The following PCYT1B variants were observed in gnomAD, a reference collection of about 807,000 sequenced individuals.
PCYT1B encodes the protein choline-phosphate cytidylyltransferase B.
In PCYT1B, 10 loss-of-function variants were observed where a neutral mutation model predicts 26.4. The ratio of observed to expected loss-of-function variants is 0.38; its 90% CI spans 0.23 to 0.64. The LOEUF (loss-of-function observed/expected upper bound fraction) is 0.64. PCYT1B is among the 30% of genes least tolerant of loss of function. The pLI is 0.56. For missense variants in PCYT1B, 161 were observed against 292.7 expected, an observed-to-expected ratio of 0.55 and a Z score of 3.28; for synonymous variants, 131 against 108.4, an observed-to-expected ratio of 1.21 and a Z score of -1.29.
intron 3 of PCYT1B, among the ~76,000 whole-genome samples, chrX:24,603,283 T>C (rs1170114701): frequency 1.8e-5 from 2 of 112,248 alleles, no homozygotes; most frequent in Non-Finnish European, 3.8e-5. Flanking sequence ...CCATCTTTAA[T>C]TGTCATAATG....
chrX:24,589,489 T>C (rs973437178), intron 4 of PCYT1B, among the ~76,000 whole-genome samples: 7 of 112,002 alleles, frequency 6.2e-5, no homozygotes, highest in Non-Finnish European at 9.4e-5. Flanking sequence ...TAAAGTTCTT[T>C]CTTTAAAGGC....
At chrX:24,658,033 C>T (rs1490149009) in intron 1 of PCYT1B, 3 of 111,333 alleles carry the variant, frequency 2.7e-5, no homozygotes, top group Non-Finnish European at 5.7e-5. Flanking sequence ...CCTTGCTGTC[C>T]TACCAGGCAG....
At chrX:24,649,320 A>G (rs1384740433), upstream of PCYT1B, among the ~76,000 whole-genome samples, 2 of 111,874 alleles carry the variant, frequency 1.8e-5, no homozygotes, top group Non-Finnish European at 3.8e-5. Flanking sequence ...CTCAAAGTGT[A>G]CTTCTCCAAG....
chrX:24,585,684 A>C (rs931159697), intron 5 of PCYT1B, among the ~76,000 whole-genome samples: 3 of 111,592 alleles, frequency 2.7e-5, no homozygotes, highest in African/African-American at 9.8e-5. Flanking sequence ...AGTGCTCCAG[A>C]AACTTAGATC....
intron 3 of PCYT1B, among the ~76,000 whole-genome samples, chrX:24,603,515 G>C (rs1181163792): frequency 9.0e-6 from 1 of 111,611 alleles, no homozygotes; most frequent in Non-Finnish European, 1.9e-5. Context: ...GCCCGAGTTT[G>C]AGACCAGTCT....
At chrX:24,670,048 A>AAAAGAAAGAGAGAAAG (rs1927207322) in intron 1 of PCYT1B, among the ~76,000 whole-genome samples, 1 of 58,048 alleles carries the variant, frequency 1.7e-5, no homozygotes, top group African/African-American at 6.1e-5. Context: ...GTCTCAAAAA[A>AAAAGAAAGAGAGAAAG]AAAGAAAGAA....
intron 1 of PCYT1B, among the ~76,000 whole-genome samples, chrX:24,623,658 C>G (rs1925777582): frequency 9.0e-6 from 1 of 111,187 alleles, no homozygotes. Flanking sequence ...TAGAATCATA[C>G]CAAAGCCACA....
chrX:24,585,124 A>G (rs1001212495), intron 5 of PCYT1B, among the ~76,000 whole-genome samples: 5 of 110,666 alleles, frequency 4.5e-5, no homozygotes, highest in Non-Finnish European at 7.6e-5. Flanking sequence ...GGAGGAGTGC[A>G]GAGAGGGATT....
chrX:24,587,698 T>C (rs1924416412), intron 4 of PCYT1B, among the ~76,000 whole-genome samples: 1 of 111,975 alleles, frequency 8.9e-6, no homozygotes, highest in Admixed American at 9.4e-5. Flanking sequence ...TCCTGTCCCA[T>C]TGATGGCAAT....
chrX:24,584,448 G>T (rs1036853661), intron 5 of PCYT1B, among the ~76,000 whole-genome samples: 1 of 112,399 alleles, frequency 8.9e-6, no homozygotes. Context: ...AGACTTCCAA[G>T]TCCGAAGTGT....
At chrX:24,618,247 T>A (rs940533958) in intron 2 of PCYT1B, among the ~76,000 whole-genome samples, 3 of 112,475 alleles carry the variant, frequency 2.7e-5, no homozygotes, top group Non-Finnish European at 5.6e-5. Flanking sequence ...TTTTAAAAAA[T>A]GCATACTTTT....
chrX:24,625,662 TTATA>T (rs1488602897), intron 1 of PCYT1B, among the ~76,000 whole-genome samples: 3 of 105,490 alleles, frequency 2.8e-5, no homozygotes, highest in Non-Finnish European at 5.8e-5. Context: ...TGACAGGGAA[TTATA>T]TCTAAGACAT....
chrX:24,565,395 G>A (rs1923592041), intron 7 of PCYT1B, among the ~76,000 whole-genome samples: 1 of 111,425 alleles, frequency 9.0e-6, no homozygotes, highest in South Asian at 3.8e-4. Context: ...GGAAGGGGGG[G>A]AAGAAGAGGG....
At chrX:24,644,147 G>A (rs976162125) in intron 1 of PCYT1B, among the ~76,000 whole-genome samples, 6 of 112,352 alleles carry the variant, frequency 5.3e-5, no homozygotes, top group African/African-American at 1.9e-4. Context: ...TAAGTAGTTA[G>A]CATGTGCCTT....
intron 1 of PCYT1B, among the ~76,000 whole-genome samples, chrX:24,654,471 C>T (rs1330977477): frequency 1.0e-5 from 1 of 99,140 alleles, no homozygotes; most frequent in Non-Finnish European, 2.0e-5. Context: ...AAATTTATGG[C>T]GGGGTGGCGT....
chrX:24,562,228 G>A lies in PCYT1B; in HGVS notation c.*65C>T. On this transcript the variant is annotated 3_prime_UTR_variant, in exon 8 of 8. Transcript: ENST00000379144. ...CTATTACCCTTCAAACACCACCCAG[G>A]CAACCCTGTGACTCTCGCCCTCCTC... 8.5e-7 allele frequency: 1 copy of A among 1,175,838 alleles called. No homozygotes were observed. Among genetic ancestry groups the A allele is most frequent in the Non-Finnish European group, 1.1e-6 (1 of 876,560 alleles).
At chrX:24,579,946 AG>A (rs1231575758) in intron 5 of PCYT1B, among the ~76,000 whole-genome samples, 1 of 112,104 alleles carries the variant, frequency 8.9e-6, no homozygotes, top group Admixed American at 9.5e-5. Flanking sequence ...AGGCCGAGGC[AG>A]GCAGACCATT....
chrX:24,626,811 T>G (rs1925899279), intron 1 of PCYT1B, among the ~76,000 whole-genome samples: 1 of 111,868 alleles, frequency 8.9e-6, no homozygotes, highest in Non-Finnish European at 1.9e-5. Flanking sequence ...ACAAACACTT[T>G]TTGAGTCCTT....
chrX:24,568,837 A>C (rs770456148), intron 7 of PCYT1B, among the ~76,000 whole-genome samples: 27 of 111,719 alleles, frequency 2.4e-4, no homozygotes, highest in Non-Finnish European at 4.3e-4. Flanking sequence ...GCTCATGCCT[A>C]TAACCCCAGC....
Sources: allele counts gnomAD v4.1 joint callset (sites outside exome capture counted in the v4.1 genomes callset), GRCh38; gene constraint gnomAD v4.1.1; transcripts MANE v1.5; gene names NCBI Gene and HGNC (gene_info 2026-07-23, HGNC 2026-07-21).